Variants in PLD5 observed in about 807,000 individuals in gnomAD.
PLD5 encodes phospholipase D family member 5, also known as inactive phospholipase D5.
A neutral mutation model predicts 61.1 loss-of-function variants in PLD5; 36 were observed. The observed-to-expected ratio is 0.59, with a 90% CI of 0.45 to 0.78. The LOEUF is 0.78. Ranked by LOEUF, PLD5 falls within the 30% of genes least tolerant of loss-of-function variation. The pLI is 0.00. For missense variants in PLD5, 515 were observed against 644.4 expected (o/e 0.80, Z 2.17); for synonymous variants, 243 against 242.8 (o/e 1.00, Z -0.01).
chr1:242,244,147 T>C (rs1672226200), intron 4 of PLD5, among the ~76,000 whole-genome samples: 2 of 152,200 alleles, frequency 1.3e-5, no homozygotes, highest in East Asian at 3.9e-4. Flanking sequence ...GGGAATATCT[T>C]GGGATACAGA....
At chr1:242,252,191 A>G (rs222233) in intron 4 of PLD5, among the ~76,000 whole-genome samples, 144,860 of 152,266 alleles carry the variant, frequency 0.95, 69,342 homozygotes, top group East Asian at 1. Flanking sequence ...GGTGGGCACA[A>G]AAATAATAGG....
intron 1 of PLD5, among the ~76,000 whole-genome samples, chr1:242,396,746 C>T (rs1663605404): frequency 6.9e-6 from 1 of 145,644 alleles, no homozygotes; most frequent in African/African-American, 2.6e-5. Context: ...AATCTTGGCT[C>T]ACTGCAACCT....
chr1:242,403,129 G>A (rs1403042204), intron 1 of PLD5, among the ~76,000 whole-genome samples: 1 of 152,208 alleles, frequency 6.6e-6, no homozygotes, highest in African/African-American at 2.4e-5. Flanking sequence ...CGGTGAGGCG[G>A]TGCCTTTGGC....
At chr1:242,239,428 T>G (rs558565498) in intron 4 of PLD5, among the ~76,000 whole-genome samples, 1 of 152,336 alleles carries the variant, frequency 6.6e-6, no homozygotes, top group Non-Finnish European at 1.5e-5. Context: ...CCGTTAACAC[T>G]AAGTGCTTTA....
At chr1:242,309,232 T>C (rs931160713) in intron 2 of PLD5, among the ~76,000 whole-genome samples, 3 of 152,098 alleles carry the variant, frequency 2.0e-5, no homozygotes, top group African/African-American at 7.2e-5. Flanking sequence ...GTTGGGCCAG[T>C]AAAGCCCCTT....
intron 5 of PLD5, among the ~76,000 whole-genome samples, chr1:242,166,128 G>A (rs906408348): frequency 2.0e-5 from 3 of 152,182 alleles, no homozygotes; most frequent in African/African-American, 7.2e-5. Flanking sequence ...GGTTTTCCCT[G>A]GGACACTGGG....
intron 2 of PLD5, among the ~76,000 whole-genome samples, chr1:242,323,741 C>G (rs1658571510): frequency 6.6e-6 from 1 of 151,996 alleles, no homozygotes. Flanking sequence ...ATTTTTGCTC[C>G]CAGTGTAATA....
At position 242,258,853 on chromosome 1, in the gene PLD5, T is replaced by C. The variant is rs549381820; in HGVS notation, c.607+6484A>G. Among the ~76,000 whole-genome samples the C allele has an allele frequency of 2.0e-5, 3 of 152,332 alleles. No homozygotes were observed. In the East Asian group the frequency reaches 5.8e-4, roughly 29 times the overall value. ...TGGAAAGCATGGGCATCAACCACTG[T>C]TGCAAAAAGTGATTCAGAAACATTG... On this transcript the variant is annotated intron_variant, in intron 4 of 9. Transcript: ENST00000536534.
At chr1:242,212,111 G>C (rs1320300045) in intron 5 of PLD5, among the ~76,000 whole-genome samples, 1 of 152,146 alleles carries the variant, frequency 6.6e-6, no homozygotes, top group Non-Finnish European at 1.5e-5. Flanking sequence ...GCCTAAAAAG[G>C]AGAAGGAGGA....
chr1:242,497,353 C>A (rs1668404257), intron 1 of PLD5, among the ~76,000 whole-genome samples: 1 of 152,184 alleles, frequency 6.6e-6, no homozygotes, highest in Non-Finnish European at 1.5e-5. Context: ...AATCAGACAT[C>A]ATTCTTTCTT....
intron 3 of PLD5, among the ~76,000 whole-genome samples, chr1:242,285,429 T>C (rs1283037440): frequency 6.6e-6 from 1 of 151,958 alleles, no homozygotes; most frequent in East Asian, 1.9e-4. Context: ...ACCCGGGAAG[T>C]AGAGGTTGCA....
rs551166945 is a variant in PLD5, at chr1:242,505,866, G to A, written c.189+18222C>T. On this transcript the variant is annotated intron_variant, in intron 1 of 9. Transcript: ENST00000536534. ...CCACTGCCACCTGCACCTCTAAGCA[G>A]AATTATGGTGTAATAAAAGCAGTGC... is the stretch of plus-strand genomic sequence containing the variant. Among the ~76,000 whole-genome samples the A allele has an allele frequency of 1.6e-3, 247 of 152,344 alleles. 1 individual carries two copies. The highest frequency in any genetic ancestry group is 3.1e-3 in the Non-Finnish European group (208 of 68,028).
chr1:242,190,397 C>G (rs1668186133), intron 5 of PLD5, among the ~76,000 whole-genome samples: 1 of 151,786 alleles, frequency 6.6e-6, no homozygotes, highest in Non-Finnish European at 1.5e-5. Context: ...CCGCCCACCT[C>G]GGCCTCCCAA....
At chr1:242,290,609 A>G (rs2149140831) in intron 2 of PLD5, among the ~76,000 whole-genome samples, 1 of 152,210 alleles carries the variant, frequency 6.6e-6, no homozygotes, top group East Asian at 1.9e-4. Context: ...GAAACGGGAA[A>G]TAGAAGATAA....
At chr1:242,277,756 A>T (rs1355664801) in intron 3 of PLD5, among the ~76,000 whole-genome samples, 1 of 151,224 alleles carries the variant, frequency 6.6e-6, no homozygotes, top group Non-Finnish European at 1.5e-5. Context: ...GCCGACGCGG[A>T]AGGATCACTT....
At chr1:242,378,955 T>C (rs965264254) in intron 1 of PLD5, among the ~76,000 whole-genome samples, 1 of 152,188 alleles carries the variant, frequency 6.6e-6, no homozygotes, top group Non-Finnish European at 1.5e-5. Flanking sequence ...CTTAGGTCTC[T>C]CCCTAAATAA....
rs374810811 is a variant in PLD5, at chr1:242,348,168, G to A, written c.264C>T (p.Ala88=). 6.1e-5 allele frequency: 98 copies of A among 1,613,494 alleles called. No homozygotes were observed. The East Asian group carries it at 6.5e-4, about 11-fold the overall frequency. Residue 88 remains alanine, a synonymous_variant, in exon 2 of 10, where the codon GCC becomes GCT. Transcript: ENST00000536534. ...CCTCATCCTCTCCCATGATGTCCACGGCTGAAAAGATCAGTGCAACCAGAA... is the reference window on the plus strand; with the variant it reads ...CCTCATCCTCTCCCATGATGTCCACAGCTGAAAAGATCAGTGCAACCAGAA... ...FAILVALIFS[A]VDIMGEDEDG... is the part of the protein sequence containing the mutation.
chr1:242,138,384 T>C (rs1277638792), intron 5 of PLD5, among the ~76,000 whole-genome samples: 1 of 151,802 alleles, frequency 6.6e-6, no homozygotes, highest in Non-Finnish European at 1.5e-5. Context: ...TTAGGGGAAA[T>C]AGCACCAACA....
At chr1:242,246,272 A>G (rs1310577687) in intron 4 of PLD5, among the ~76,000 whole-genome samples, 3 of 152,142 alleles carry the variant, frequency 2.0e-5, no homozygotes, top group African/African-American at 4.8e-5. Flanking sequence ...AGGCTAAGGC[A>G]GGAGGATCTG....
Sources: gnomAD v4.1 joint callset for allele counts (sites outside exome capture counted in the v4.1 genomes callset) on GRCh38, gnomAD v4.1.1 for gene constraint, MANE v1.5 for transcripts, NCBI Gene and HGNC (gene_info 2026-07-23, HGNC 2026-07-21) for gene names.